The following RASA2 variants were observed in gnomAD, a reference collection of about 807,000 sequenced individuals.
The protein encoded by RASA2 is ras GTPase-activating protein 2.
RASA2 carries 155 observed loss-of-function variants against 118.2 expected under a neutral mutation model. That is an observed-to-expected ratio of 1.31 (90% CI 1.15 to 1.50). The LOEUF (loss-of-function observed/expected upper bound fraction) is 1.50, where lower values mean the gene tolerates loss of function less well. Ranked by LOEUF, RASA2 falls within the 40% of genes most tolerant of loss-of-function variation. RASA2 has a pLI of 0.00. For missense variants in RASA2, 1,016 were observed against 1,009.6 expected (o/e 1.01, Z -0.09); for synonymous variants, 353 against 349.1 (o/e 1.01, Z -0.12).
intron 19 of RASA2, among the ~76,000 whole-genome samples, chr3:141,606,121 C>T (rs78833850): frequency 0.014 from 2,132 of 152,292 alleles, 63 homozygotes; most frequent in African/African-American, 0.048. Flanking sequence ...GTGCCCCCAA[C>T]CTTCAGCTGT....
At chr3:141,502,018 A>G (rs2081790250) in intron 1 of RASA2, among the ~76,000 whole-genome samples, 3 of 152,214 alleles carry the variant, frequency 2.0e-5, no homozygotes, top group South Asian at 4.1e-4. Flanking sequence ...TCCAGGATGC[A>G]AAACTGAGCA....
chr3:141,609,479 A>G lies in RASA2; in HGVS notation c.2285A>G (p.Tyr762Cys), dbSNP rs1216975936. 23 of 1,605,758 alleles carry G rather than the reference A, an allele frequency of 1.4e-5. No homozygotes were observed. Among genetic ancestry groups the G allele is most frequent in the African/African-American group, 2.7e-5 (2 of 74,706 alleles). Residue 762 changes from tyrosine to cysteine, a missense_variant, in exon 22 of 24, where the codon TAT (tyrosine) becomes TGT (cysteine). By Grantham distance (194) the Tyr-to-Cys change is radical. Coordinates refer to ENST00000286364, the MANE Select transcript of RASA2 (RefSeq NM_006506.5). ...GAAGACAGAGAAACAGAAAGAATTT[A>G]TTCCCTTTTTACCCTCAGTTTACTT... ...IDEDRETERIYSLFTLSLLKL... is the reference protein window; with the variant it reads ...IDEDRETERICSLFTLSLLKL...
At chr3:141,492,102 T>G (rs2081646217) in intron 1 of RASA2, among the ~76,000 whole-genome samples, 1 of 152,240 alleles carries the variant, frequency 6.6e-6, no homozygotes, top group African/African-American at 2.4e-5. Context: ...AGCAGTCTGC[T>G]AATCATTTGC....
At chr3:141,611,539 C>G (rs1211936207) in intron 23 of RASA2, among the ~76,000 whole-genome samples, 1 of 152,076 alleles carries the variant, frequency 6.6e-6, no homozygotes, top group Non-Finnish European at 1.5e-5. Flanking sequence ...CAAATCAGCC[C>G]AACTTGGTTT....
chr3:141,504,412 A>G (rs965455030), intron 1 of RASA2, among the ~76,000 whole-genome samples: 2 of 152,212 alleles, frequency 1.3e-5, no homozygotes, highest in South Asian at 2.1e-4. Context: ...TTGGTCCCCA[A>G]CAAGAGGCTG....
chr3:141,573,389 A>T (rs917982099), intron 13 of RASA2, among the ~76,000 whole-genome samples, 168 bp downstream of exon 13: 3 of 152,172 alleles, frequency 2.0e-5, no homozygotes, highest in African/African-American at 4.8e-5. Flanking sequence ...TAGTTTTTAG[A>T]ATGTTATTTC....
intron 7 of RASA2, 67 bp from the exon 8 acceptor site, chr3:141,558,819 C>A (rs1224715099): frequency 4.1e-6 from 5 of 1,223,684 alleles, no homozygotes; most frequent in Admixed American, 3.9e-5. Context: ...TGCAGATGAT[C>A]ATTTTTAAGC....
At chr3:141,582,027 A>C (rs1440911451) in intron 17 of RASA2, among the ~76,000 whole-genome samples, 1 of 152,234 alleles carries the variant, frequency 6.6e-6, no homozygotes. Flanking sequence ...AATGAATTAC[A>C]TCTAAACTGG....
intron 1 of RASA2, among the ~76,000 whole-genome samples, chr3:141,488,853 C>T (rs1249919301): frequency 6.6e-6 from 1 of 152,126 alleles, no homozygotes; most frequent in East Asian, 1.9e-4. Flanking sequence ...TGATGCTAGG[C>T]ATTGTCTATT....
chr3:141,602,842 G>C (rs1388689804), intron 19 of RASA2, among the ~76,000 whole-genome samples: 2 of 152,130 alleles, frequency 1.3e-5, no homozygotes, highest in Non-Finnish European at 2.9e-5. Flanking sequence ...GTCTCCCCAG[G>C]CTTTCAGTTT....
intron 12 of RASA2, among the ~76,000 whole-genome samples, 178 bp from the exon 13 acceptor site, chr3:141,572,968 CA>C (rs1308705989): frequency 6.6e-6 from 1 of 152,100 alleles, no homozygotes; most frequent in Non-Finnish European, 1.5e-5. Flanking sequence ...AAATATATGA[CA>C]AATACTTTTT....
chr3:141,528,506 TTTCTC>T (rs2082214154), intron 3 of RASA2, among the ~76,000 whole-genome samples: 1 of 151,940 alleles, frequency 6.6e-6, no homozygotes, highest in African/African-American at 2.4e-5. Flanking sequence ...TCTTGTAACT[TTTCTC>T]TGTTTGAAAT....
intron 4 of RASA2, among the ~76,000 whole-genome samples, chr3:141,537,250 A>G (rs1176265081): frequency 6.6e-5 from 10 of 151,120 alleles, no homozygotes; most frequent in East Asian, 5.8e-4. Flanking sequence ...CCATTTCACC[A>G]TGTCTCATAT....
intron 1 of RASA2, among the ~76,000 whole-genome samples, chr3:141,505,238 A>G (rs2081847429): frequency 6.6e-6 from 1 of 152,252 alleles, no homozygotes; most frequent in South Asian, 2.1e-4. Flanking sequence ...TCGTATGGGC[A>G]GAGACCTGTT....
chr3:141,576,771 A>G (rs1484334064), intron 14 of RASA2, among the ~76,000 whole-genome samples: 2 of 152,154 alleles, frequency 1.3e-5, no homozygotes, highest in African/African-American at 4.8e-5. Flanking sequence ...CTGAAAACCT[A>G]GCAGCTTTGT....
chr3:141,594,548 A>G (rs552873096), intron 19 of RASA2, among the ~76,000 whole-genome samples: 36 of 152,268 alleles, frequency 2.4e-4, no homozygotes, highest in African/African-American at 8.4e-4. Flanking sequence ...GACAAGATAC[A>G]TACACAGGGG....
chr3:141,580,006 C>A (rs111707917), intron 15 of RASA2, among the ~76,000 whole-genome samples: 4,865 of 134,236 alleles, frequency 0.036, 309 homozygotes, highest in African/African-American at 0.13. Flanking sequence ...CAGTGAGCTG[C>A]GGTTATGCCA....
intron 9 of RASA2, among the ~76,000 whole-genome samples, chr3:141,566,539 G>A (rs1358332580): frequency 1.3e-5 from 2 of 152,098 alleles, no homozygotes; most frequent in African/African-American, 4.8e-5. Flanking sequence ...ATTTGGATTC[G>A]AACAAACTGT....
rs970345091 is a variant in RASA2, at chr3:141,610,181, C to G, written c.2519+115C>G. The G allele has an allele frequency of 3.5e-6, 3 of 856,792 alleles. No homozygotes were observed. The Admixed American group carries it at 1.1e-4, about 32-fold the overall frequency. 53.1% of individuals were successfully genotyped at this position (856,792 alleles called of 1,614,324 possible). A position where few individuals can be genotyped will look rare whatever the true frequency, so the allele number is the denominator to read the frequency against. ...ACATCTGTCAACATCCCGCTCAGGG[C>G]CATTCTCTGGTGCAAGTTTCCCTGG... On this transcript the variant is annotated intron_variant, in intron 23 of 23. Coordinates refer to ENST00000286364, the MANE Select transcript of RASA2 (RefSeq NM_006506.5).
Sources: allele counts gnomAD v4.1 joint callset (sites outside exome capture counted in the v4.1 genomes callset), GRCh38; gene constraint gnomAD v4.1.1; transcripts MANE v1.5; gene names NCBI Gene and HGNC (gene_info 2026-07-23, HGNC 2026-07-21).